The following BCO1 variants were observed in gnomAD, a reference collection of about 807,000 sequenced individuals.
The protein encoded by BCO1 is beta,beta-carotene 15,15'-dioxygenase.
Under a neutral mutation model 56.3 loss-of-function variants are expected in BCO1, and 54 were observed. That is an observed-to-expected ratio of 0.96 (90% CI 0.77 to 1.20). The LOEUF (loss-of-function observed/expected upper bound fraction) is 1.20, where lower values mean the gene tolerates loss of function less well. BCO1 is among the 50% of genes most tolerant of loss of function. BCO1 has a pLI of 0.00. For synonymous variants in BCO1, 318 were observed against 266.1 expected (o/e 1.20, Z -1.90); for missense variants, 801 against 690.9 (o/e 1.16, Z -1.79).
chr16:81,241,564 C>G (rs1248558747), intron 1 of BCO1, among the ~76,000 whole-genome samples: 1 of 152,196 alleles, frequency 6.6e-6, no homozygotes, highest in East Asian at 1.9e-4. Context: ...TACCCAGACC[C>G]ACGGGGTCAG....
intron 2 of BCO1, among the ~76,000 whole-genome samples, chr16:81,254,450 A>ATT (rs796296851): frequency 3.6e-5 from 5 of 138,388 alleles, no homozygotes; most frequent in African/African-American, 1.3e-4. Context: ...CACACCAAGC[A>ATT]TTTTTTTTTT....
chr16:81,250,745 T>A (rs563635128), intron 2 of BCO1, among the ~76,000 whole-genome samples: 1 of 152,144 alleles, frequency 6.6e-6, no homozygotes, highest in African/African-American at 2.4e-5. Flanking sequence ...CATGCCCAGC[T>A]AATTTTTGTA....
chr16:81,242,606 C>T (rs1435847507), intron 1 of BCO1, among the ~76,000 whole-genome samples: 1 of 152,128 alleles, frequency 6.6e-6, no homozygotes, highest in Non-Finnish European at 1.5e-5. Flanking sequence ...CATTTCTCTC[C>T]ATCCCTGTGG....
Position 81,290,815 on chromosome 16 carries a change from C to A in BCO1, c.*238C>A. On this transcript the variant is annotated 3_prime_UTR_variant, in exon 11 of 11. Transcript: ENST00000258168. ...CAAATATGTATTGATTAGATCCAGTCCTTCTAAGAAACCTCCTTTCCTTTA... is the reference window on the plus strand; with the variant it reads ...CAAATATGTATTGATTAGATCCAGTACTTCTAAGAAACCTCCTTTCCTTTA... 2.1e-6 allele frequency: 1 copy of A among 466,448 alleles called. No individual in the cohort carries two copies. Among genetic ancestry groups the A allele is most frequent in the Non-Finnish European group, 3.8e-6 (1 of 263,482 alleles). The allele number at this position is 466,448 out of a possible 1,614,324, so 28.9% of individuals were successfully genotyped here.
chr16:81,267,398 A>G (rs1427650487), intron 5 of BCO1, among the ~76,000 whole-genome samples: 1 of 152,192 alleles, frequency 6.6e-6, no homozygotes, highest in Non-Finnish European at 1.5e-5. Context: ...AGATCACCTG[A>G]GGTCAGGAGT....
intron 7 of BCO1, among the ~76,000 whole-genome samples, chr16:81,274,706 T>C (rs914735386): frequency 6.6e-6 from 1 of 152,140 alleles, no homozygotes; most frequent in African/African-American, 2.4e-5. Flanking sequence ...GGTGAAACCC[T>C]GTCTCTGCTA....
intron 8 of BCO1, among the ~76,000 whole-genome samples, chr16:81,281,211 T>G (rs1003534265): frequency 7.9e-5 from 12 of 152,110 alleles, no homozygotes; most frequent in African/African-American, 2.9e-4. Flanking sequence ...TTTGGGAAGC[T>G]GAGGGAGGCA....
chr16:81,287,988 T>C (rs1908278799), intron 10 of BCO1, among the ~76,000 whole-genome samples: 1 of 152,102 alleles, frequency 6.6e-6, no homozygotes, highest in South Asian at 2.1e-4. Flanking sequence ...ATCAAGTTCA[T>C]ACCACACGGC....
At chr16:81,276,955 T>G (rs984532254) in intron 7 of BCO1, among the ~76,000 whole-genome samples, 8 of 149,502 alleles carry the variant, frequency 5.4e-5, no homozygotes, top group Admixed American at 1.4e-4. Flanking sequence ...TAACCTCAGC[T>G]ACTCAGGAAG....
chr16:81,252,115 T>G (rs933019512), intron 2 of BCO1, among the ~76,000 whole-genome samples: 4 of 152,094 alleles, frequency 2.6e-5, no homozygotes. Context: ...CCTACTTTCC[T>G]GTGGTCACCA....
chr16:81,279,396 C>G (rs768012095), intron 7 of BCO1, among the ~76,000 whole-genome samples: 7 of 152,062 alleles, frequency 4.6e-5, no homozygotes, highest in African/African-American at 7.2e-5. Flanking sequence ...AGAGCCTAAC[C>G]CGTAGTCACC....
chr16:81,284,900 G>A (rs1908088592), intron 8 of BCO1, among the ~76,000 whole-genome samples: 1 of 149,620 alleles, frequency 6.7e-6, no homozygotes, highest in Non-Finnish European at 1.5e-5. Context: ...GAAGTGGCAC[G>A]ATCTCGGCTC....
At chr16:81,276,667 T>TAC (rs1907575401) in intron 7 of BCO1, among the ~76,000 whole-genome samples, 1 of 152,236 alleles carries the variant, frequency 6.6e-6, no homozygotes, top group Admixed American at 6.5e-5. Flanking sequence ...GAACATTCTG[T>TAC]CTGTCCAACA....
intron 5 of BCO1, among the ~76,000 whole-genome samples, chr16:81,267,015 C>G (rs1010949732): frequency 4.6e-5 from 7 of 152,136 alleles, no homozygotes; most frequent in African/African-American, 1.7e-4. Flanking sequence ...GTGGGGAGGC[C>G]TTTTGACCAG....
At chr16:81,242,983 C>A (rs895383724) in intron 1 of BCO1, among the ~76,000 whole-genome samples, 4 of 152,090 alleles carry the variant, frequency 2.6e-5, no homozygotes, top group African/African-American at 9.7e-5. Flanking sequence ...TTCCACAAAA[C>A]CAGTCCCTGG....
intron 1 of BCO1, among the ~76,000 whole-genome samples, chr16:81,239,991 A>G (rs1318527659): frequency 3.3e-5 from 5 of 152,112 alleles, no homozygotes; most frequent in Non-Finnish European, 7.4e-5. Flanking sequence ...GGAGAGGACA[A>G]CTGTGAGTGA....
At chr16:81,276,047 C>G (rs1042892679) in intron 7 of BCO1, among the ~76,000 whole-genome samples, 2 of 152,238 alleles carry the variant, frequency 1.3e-5, no homozygotes, top group African/African-American at 4.8e-5. Flanking sequence ...CAGGAGGAAG[C>G]ACTGTGGACC....
Position 81,238,912 on chromosome 16 carries a change from G to C in BCO1, c.4G>C (p.Asp2His), listed in dbSNP as rs1904981626. MDIIFGRNRKEQ... is the reference protein window; with the variant it reads MHIIFGRNRKEQ... ...ATCTCCCTCGGCACCCTGAGCAATG[G>C]ATATAATATTTGGCAGGAATAGGAA... The change falls in exon 1 of 11, where the codon GAT becomes CAT. Residue 2 changes from aspartate (D) to histidine (H), a missense_variant. Coordinates refer to ENST00000258168, the MANE Select transcript of BCO1 (RefSeq NM_017429.3). The C allele has an allele frequency of 6.2e-7, 1 of 1,614,052 alleles. No individual in the cohort carries two copies. The highest frequency in any genetic ancestry group is 8.5e-7 in the Non-Finnish European group (1 of 1,179,980).
At chr16:81,288,411 C>T (rs772126943) in intron 10 of BCO1, among the ~76,000 whole-genome samples, 11 of 152,098 alleles carry the variant, frequency 7.2e-5, no homozygotes, top group Non-Finnish European at 1.6e-4. Flanking sequence ...TACAGGGGCA[C>T]ACCACCATGC....
Sources: gnomAD v4.1 joint callset for allele counts (sites outside exome capture counted in the v4.1 genomes callset) on GRCh38, gnomAD v4.1.1 for gene constraint, MANE v1.5 for transcripts, NCBI Gene and HGNC (gene_info 2026-07-23, HGNC 2026-07-21) for gene names.